Variants in GRID2 observed in about 807,000 individuals in gnomAD.
The protein encoded by GRID2 is glutamate receptor ionotropic, delta-2.
GRID2 carries 33 observed loss-of-function variants against 114.8 expected under a neutral mutation model. The observed-to-expected ratio is 0.29, with a 90% CI of 0.22 to 0.38. The LOEUF (loss-of-function observed/expected upper bound fraction) is 0.38, where lower values mean the gene tolerates loss of function less well. Among genes scored for constraint, GRID2 ranks in the 10% least tolerant of loss-of-function variants. The pLI, the probability that GRID2 is intolerant of heterozygous loss-of-function variation, is 1.00. For missense variants in GRID2, 1,184 were observed against 1,257.7 expected (o/e 0.94, Z 0.89); for synonymous variants, 505 against 449.9 (o/e 1.12, Z -1.55).
At chr4:92,337,687 G>A (rs1420912964) in intron 1 of GRID2, among the ~76,000 whole-genome samples, 4 of 152,062 alleles carry the variant, frequency 2.6e-5, no homozygotes, top group Non-Finnish European at 4.4e-5. Flanking sequence ...AACTGCTTGG[G>A]AGCAACCACT....
chr4:93,558,885 C>T (rs780253020), intron 13 of GRID2, among the ~76,000 whole-genome samples: 13 of 152,146 alleles, frequency 8.5e-5, no homozygotes, highest in African/African-American at 3.1e-4. Flanking sequence ...AGCTTATTCA[C>T]CATGATCAAG....
chr4:92,521,791 G>A (rs1022188742), intron 1 of GRID2, among the ~76,000 whole-genome samples: 36 of 151,894 alleles, frequency 2.4e-4, no homozygotes, highest in Admixed American at 1.2e-3. Flanking sequence ...GTATATGGCC[G>A]GCAGTACAAA....
chr4:93,417,433 T>G (rs529803750), intron 9 of GRID2, among the ~76,000 whole-genome samples: 2 of 152,178 alleles, frequency 1.3e-5, no homozygotes, highest in Non-Finnish European at 2.9e-5. Context: ...CAATATAACA[T>G]GTATACAGAA....
chr4:92,547,343 C>T (rs190000708), intron 1 of GRID2, among the ~76,000 whole-genome samples: 167 of 152,200 alleles, frequency 1.1e-3, no homozygotes, highest in Non-Finnish European at 1.8e-3. Context: ...TGAATATTTA[C>T]AGGCACAGTT....
At chr4:93,396,719 G>GT (rs1341925822) in intron 9 of GRID2, among the ~76,000 whole-genome samples, 1 of 151,900 alleles carries the variant, frequency 6.6e-6, no homozygotes, top group African/African-American at 2.4e-5. Context: ...AATGGTAACT[G>GT]TTATAATTCT....
chr4:92,648,357 T>A (rs1731748955), intron 2 of GRID2, among the ~76,000 whole-genome samples: 1 of 149,904 alleles, frequency 6.7e-6, no homozygotes, highest in Non-Finnish European at 1.5e-5. Flanking sequence ...ATTTTTATTA[T>A]ACTATTGATC....
rs566292735 is a variant in GRID2, at chr4:93,343,665, T to C, written c.1246-51942T>C. Among the ~76,000 whole-genome samples, 71 of 124,684 alleles carry C rather than the reference T, an allele frequency of 5.7e-4. 2 individuals carry two copies. In the South Asian group the frequency reaches 0.017, roughly 30 times the overall value. The allele number at this position is 124,684 out of a possible 152,430, so 81.8% of individuals were successfully genotyped here. A position where few individuals can be genotyped will look rare whatever the true frequency, so the allele number is the denominator to read the frequency against. ...GATGTCATTGATTCCTTTGTTCTGA[T>C]TATTCATCAAAAAAATTTTTTTAAA... On this transcript the variant is annotated intron_variant, in intron 8 of 15. Coordinates refer to ENST00000282020, the MANE Select transcript of GRID2 (RefSeq NM_001510.4).
At chr4:93,254,731 C>CT (rs1749378400) in intron 8 of GRID2, among the ~76,000 whole-genome samples, 1 of 151,978 alleles carries the variant, frequency 6.6e-6, no homozygotes, top group Non-Finnish European at 1.5e-5. Flanking sequence ...AAGAGACAGT[C>CT]TTTTTTAGGA....
intron 1 of GRID2, among the ~76,000 whole-genome samples, chr4:92,430,041 C>G (rs1732364095): frequency 6.6e-6 from 1 of 151,970 alleles, no homozygotes; most frequent in Non-Finnish European, 1.5e-5. Flanking sequence ...ATATTTTCTC[C>G]CATTGTGTGA....
At chr4:93,425,752 T>A (rs1358624285) in intron 10 of GRID2, among the ~76,000 whole-genome samples, 1 of 152,122 alleles carries the variant, frequency 6.6e-6, no homozygotes, top group African/African-American at 2.4e-5. Flanking sequence ...CTCTGACAAG[T>A]TAGTTAATAA....
At chr4:93,008,532 C>T (rs1156728705) in intron 2 of GRID2, among the ~76,000 whole-genome samples, 2 of 151,902 alleles carry the variant, frequency 1.3e-5, no homozygotes, top group Non-Finnish European at 2.9e-5. Flanking sequence ...ACTGTTCCTG[C>T]AAGTTGTGTC....
chr4:93,163,386 A>ATACACTATATATATATATATATATATG (rs1737915706), intron 4 of GRID2, among the ~76,000 whole-genome samples: 3 of 45,310 alleles, frequency 6.6e-5, no homozygotes, highest in African/African-American at 2.5e-4. Flanking sequence ...ATATATATAT[A>ATACACTATATATATATATATATATATG]TATATATATA....
chr4:92,676,164 C>T (rs1330833051), intron 2 of GRID2, among the ~76,000 whole-genome samples: 2 of 93,688 alleles, frequency 2.1e-5, no homozygotes, highest in South Asian at 4.4e-4. Context: ...AAGCCCCCCC[C>T]CCCCCCTTTT....
intron 2 of GRID2, among the ~76,000 whole-genome samples, chr4:92,764,811 C>T (rs1437453350): frequency 6.6e-6 from 1 of 152,030 alleles, no homozygotes; most frequent in Non-Finnish European, 1.5e-5. Context: ...AAATAAACAT[C>T]GAGGAATTCA....
chr4:92,641,617 C>T (rs1048939027), intron 2 of GRID2, among the ~76,000 whole-genome samples: 8 of 151,564 alleles, frequency 5.3e-5, no homozygotes, highest in Admixed American at 3.3e-4. Context: ...AACATGATGA[C>T]GTAACATAGT....
At chr4:92,672,165 G>A (rs989660736) in intron 2 of GRID2, among the ~76,000 whole-genome samples, 3 of 152,054 alleles carry the variant, frequency 2.0e-5, no homozygotes, top group Non-Finnish European at 2.9e-5. Flanking sequence ...ATATTTCCAT[G>A]TGTCCATCAC....
At chr4:93,788,153 C>A (rs1256476970) in intron 1 of GRID2, among the ~76,000 whole-genome samples, 1 of 151,944 alleles carries the variant, frequency 6.6e-6, no homozygotes, top group Non-Finnish European at 1.5e-5. Flanking sequence ...CCCGTCTCTA[C>A]TAAAAATACA....
At chr4:92,345,903 T>A (rs1441606275) in intron 1 of GRID2, among the ~76,000 whole-genome samples, 1 of 152,220 alleles carries the variant, frequency 6.6e-6, no homozygotes, top group Non-Finnish European at 1.5e-5. Flanking sequence ...ATCAATCTTT[T>A]TAGTATACAA....
At chr4:93,296,780 T>C (rs1560469734) in intron 8 of GRID2, among the ~76,000 whole-genome samples, 1 of 152,186 alleles carries the variant, frequency 6.6e-6, no homozygotes, top group Non-Finnish European at 1.5e-5. Context: ...CTAAATACTT[T>C]TTGACAATTT....
Sources: gnomAD v4.1 joint callset for allele counts (sites outside exome capture counted in the v4.1 genomes callset) on GRCh38, gnomAD v4.1.1 for gene constraint, MANE v1.5 for transcripts, NCBI Gene and HGNC (gene_info 2026-07-23, HGNC 2026-07-21) for gene names.